ABCB4: variants seen among roughly 807,000 people sequenced by gnomAD.
ABCB4 encodes phosphatidylcholine translocator ABCB4.
In ABCB4, 76 loss-of-function variants were observed where a neutral mutation model predicts 145.7. The observed-to-expected ratio is 0.52, with a 90% CI of 0.43 to 0.63. The LOEUF is 0.63. Among genes scored for constraint, ABCB4 ranks in the 30% least tolerant of loss-of-function variants. The pLI is 0.00. For missense variants in ABCB4, 1,234 were observed against 1,553.1 expected (o/e 0.79, Z 3.45); for synonymous variants, 517 against 566.8 (o/e 0.91, Z 1.25).
At chr7:87,403,318 C>T (rs777422043) in intron 26 of ABCB4, 37 bp from the exon 27 acceptor site, 2 of 1,584,758 alleles carry the variant, frequency 1.3e-6, no homozygotes, top group South Asian at 1.1e-5. Context: ...GTTGAATGAA[C>T]TGTTGCTTAA....
At chr7:87,421,788 A>G (rs1809455629) in intron 18 of ABCB4, among the ~76,000 whole-genome samples, 1 of 152,252 alleles carries the variant, frequency 6.6e-6, no homozygotes, top group Non-Finnish European at 1.5e-5. Context: ...GATATTCTAT[A>G]AAGAGTAACA....
chr7:87,439,057 A>G (rs184975528), intron 14 of ABCB4, among the ~76,000 whole-genome samples: 1 of 152,314 alleles, frequency 6.6e-6, no homozygotes, highest in Admixed American at 6.5e-5. Context: ...AATACAGATG[A>G]CATCAGCATT....
rs547669713 is a variant in ABCB4, at chr7:87,459,520, C to T, written c.286+3238G>A. Among the ~76,000 whole-genome samples, 24 of 152,082 alleles carry T rather than the reference C, an allele frequency of 1.6e-4. No homozygotes were observed. In the South Asian group the frequency reaches 4.6e-3, roughly 29 times the overall value. ...ATAATATTCCATTGTATGTATCTACCATATCTTATTTTTCCATTCATCTGT... is the reference window on the plus strand; with the variant it reads ...ATAATATTCCATTGTATGTATCTACTATATCTTATTTTTCCATTCATCTGT... On this transcript the variant is annotated intron_variant, in intron 4 of 27. Transcript: ENST00000649586.
At chr7:87,410,116 A>G (rs1441681896) in intron 23 of ABCB4, among the ~76,000 whole-genome samples, 2 of 152,162 alleles carry the variant, frequency 1.3e-5, no homozygotes, top group Non-Finnish European at 2.9e-5. Flanking sequence ...AAAAAAAGTC[A>G]CCTTAAACTA....
At position 87,418,559 on chromosome 7, in the gene ABCB4, G is replaced by A; in HGVS notation, c.2456C>T (p.Thr819Ile). 6.2e-7 allele frequency: 1 copy of A among 1,614,164 alleles called. No homozygotes were observed. Among genetic ancestry groups the A allele is most frequent in the East Asian group, 2.2e-5 (1 of 44,886 alleles). ...STGALSTRLA[T>I]DAAQVQGATG... ...TACTCCTTGGACTTGGGCAGCATCT[G>A]TGGCAAGTCTTGTAGAAAGTGCACC... is the stretch of plus-strand genomic sequence containing the variant. The change falls in exon 20 of 28, where the codon ACA becomes ATA. Residue 819 changes from threonine to isoleucine, a missense_variant. By Grantham distance (89) the Thr-to-Ile change is moderately conservative (BLOSUM62 -1). This residue lies in a region of ABCB4 where 321 missense variants were observed against 332.6 expected (regional missense o/e 0.97). Coordinates refer to ENST00000649586, the MANE Select transcript of ABCB4 (RefSeq NM_000443.4).
chr7:87,382,355 C>T, the ABCB4 span: 6 of 1,570,386 alleles, frequency 3.8e-6, no homozygotes, highest in South Asian at 7.1e-5. Context: ...ATTTGCTTCT[C>T]TTTGGTGTAT....
In ABCB4 at chr7:87,459,689, A is replaced by G. The variant is rs139353156; in HGVS notation, c.286+3069T>C. ...ATCACACCCACCCATTTTCAAAGCC[A>G]CTCACTTTCTCTCCCTAGAAGTAAT... On this transcript the variant is annotated intron_variant, in intron 4 of 27. Coordinates refer to ENST00000649586, the MANE Select transcript of ABCB4 (RefSeq NM_000443.4). Among the ~76,000 whole-genome samples the G allele has an allele frequency of 8.5e-4, 129 of 152,176 alleles. 4 individuals are homozygous for G. The East Asian group carries it at 0.021, about 25-fold the overall frequency.
intron 17 of ABCB4, chr7:87,423,692 AC>A: frequency 1.7e-6 from 1 of 591,106 alleles, no homozygotes; most frequent in South Asian, 2.0e-5. Context: ...CATTGATTTT[AC>A]ATTTTATAAT....
chr7:87,398,893 A>T, downstream of ABCB4: 1 of 430,302 alleles, frequency 2.3e-6, no homozygotes, highest in Admixed American at 4.1e-5. Flanking sequence ...ATATAGAACT[A>T]TGCAGTATTT....
intron 2 of ABCB4, among the ~76,000 whole-genome samples, chr7:87,473,664 C>G (rs1309928125): frequency 6.6e-6 from 1 of 152,002 alleles, no homozygotes; most frequent in Non-Finnish European, 1.5e-5. Flanking sequence ...CTGTGGTTTA[C>G]TTATTTAGTA....
At chr7:87,386,385 A>C in the ABCB4 span, among the ~76,000 whole-genome samples, 3 of 152,020 alleles carry the variant, frequency 2.0e-5, no homozygotes, top group Non-Finnish European at 2.9e-5. Context: ...TTATGTTTCA[A>C]TCTCAGGTTG....
Position 87,403,124 on chromosome 7 carries a change from G to T in ABCB4, c.3633+11C>A. On this transcript the variant is annotated intron_variant, in intron 27 of 27. Transcript: ENST00000649586. ...AATTAAATAAGACATAAGTTGGGAG[G>T]CCACACACACCTTTTCACTTTCAGT... 1 of 1,613,728 alleles carries T rather than the reference G, an allele frequency of 6.2e-7. No homozygotes were observed. Among genetic ancestry groups the T allele is most frequent in the Non-Finnish European group, 8.5e-7 (1 of 1,179,768 alleles).
At chr7:87,405,323 T>C (rs896867070) in intron 26 of ABCB4, among the ~76,000 whole-genome samples, 1 of 152,118 alleles carries the variant, frequency 6.6e-6, no homozygotes. Flanking sequence ...AACAGATTCA[T>C]GTTTGCCAGA....
intron 26 of ABCB4, among the ~76,000 whole-genome samples, chr7:87,404,700 T>C (rs1320218843): frequency 6.6e-6 from 1 of 151,962 alleles, no homozygotes; most frequent in Non-Finnish European, 1.5e-5. Flanking sequence ...AATTAGAATA[T>C]GGGCAAACAA....
chr7:87,406,808 A>C (rs1808231382), intron 25 of ABCB4, among the ~76,000 whole-genome samples: 1 of 152,180 alleles, frequency 6.6e-6, no homozygotes, highest in Admixed American at 6.5e-5. Flanking sequence ...GCCTGCATCA[A>C]GGTGTCCCAC....
Position 87,411,800 on chromosome 7 carries a change from AC to A in ABCB4, c.2924+92del, listed in dbSNP as rs371806200. 1.2e-3 allele frequency: 1,391 copies of A among 1,208,878 alleles called. 14 individuals carry two copies. The African/African-American group carries it at 0.018, about 16-fold the overall frequency. 74.9% of individuals were successfully genotyped at this position (1,208,878 alleles called of 1,614,324 possible). ...TTTAAATCCCTGACCTCATCTTTGG[AC>A]ACAGGAGTCATTTTTTTCCTACTCT... On this transcript the variant is annotated intron_variant, in intron 23 of 27. Transcript: ENST00000649586.
At chr7:87,429,144 G>A (rs1339052723) in intron 15 of ABCB4, among the ~76,000 whole-genome samples, 1 of 152,222 alleles carries the variant, frequency 6.6e-6, no homozygotes, top group African/African-American at 2.4e-5. Flanking sequence ...CAGGCTCACA[G>A]TGGGTCTTTC....
At chr7:87,366,812 C>A in the ABCB4 span, among the ~76,000 whole-genome samples, 1 of 152,158 alleles carries the variant, frequency 6.6e-6, no homozygotes, top group Non-Finnish European at 1.5e-5. Context: ...AAGATACCTA[C>A]TCTAGCAATT....
At chr7:87,388,383 A>G in the ABCB4 span, among the ~76,000 whole-genome samples, 1 of 152,198 alleles carries the variant, frequency 6.6e-6, no homozygotes, top group Non-Finnish European at 1.5e-5. Context: ...CTGTACTACA[A>G]GGCTACAGTA....
Sources: allele counts gnomAD v4.1 joint callset (sites outside exome capture counted in the v4.1 genomes callset), GRCh38; gene constraint gnomAD v4.1.1; regional missense constraint gnomAD v4.1.1; transcripts MANE v1.5; gene names NCBI Gene and HGNC (gene_info 2026-07-23, HGNC 2026-07-21).